The following PTPN13 variants were observed in gnomAD, a reference collection of about 807,000 sequenced individuals.
PTPN13 encodes the protein tyrosine-protein phosphatase non-receptor type 13.
PTPN13 carries 191 observed loss-of-function variants against 284.0 expected under a neutral mutation model. The observed-to-expected ratio is 0.67, with a 90% CI of 0.60 to 0.76. PTPN13 has a LOEUF of 0.76. Ranked by LOEUF, PTPN13 falls within the 30% of genes least tolerant of loss-of-function variation. The probability of loss-of-function intolerance (pLI) is 0.00; values close to 1 mark genes in which losing one functional copy is unlikely to be tolerated. For synonymous variants in PTPN13, 986 were observed against 1,022.3 expected (o/e 0.96, Z 0.68); for missense variants, 2,797 against 2,939.9 (o/e 0.95, Z 1.12).
intron 2 of PTPN13, among the ~76,000 whole-genome samples, chr4:86,647,620 T>A (rs1425742843): frequency 6.6e-6 from 1 of 152,150 alleles, no homozygotes; most frequent in African/African-American, 2.4e-5. Context: ...ATTGTGTTCC[T>A]CAAACATTCA....
At position 86,811,063 on chromosome 4, in the gene PTPN13, G is replaced by T; in HGVS notation, c.7317G>T (p.Leu2439Phe). The stretch of plus-strand genomic sequence containing the variant: ...TCTGACAGTTTGACATCTCTGATTT[G>T]GTGCGCTGCATGAGACTACAAAGAC... ...SQDLDFDISD[L>F]VRCMRLQRHG... The change falls in exon 47 of 48, where the codon TTG becomes TTT. Residue 2439 changes from leucine (L) to phenylalanine (F), a missense_variant. Physicochemically the swap from Leu to Phe is conservative, Grantham distance 22. Transcript: ENST00000411767. 3 of 1,613,442 alleles carry T rather than the reference G, an allele frequency of 1.9e-6. No individual in the cohort carries two copies. Among genetic ancestry groups the T allele is most frequent in the Non-Finnish European group, 2.5e-6 (3 of 1,179,564 alleles).
intron 46 of PTPN13, among the ~76,000 whole-genome samples, chr4:86,810,459 A>AATT (rs56067581): frequency 0.28 from 43,024 of 151,902 alleles, 6,187 homozygotes; most frequent in African/African-American, 0.31. Flanking sequence ...TACATAAAAA[A>AATT]ATTACTATAA....
intron 2 of PTPN13, among the ~76,000 whole-genome samples, chr4:86,639,417 G>A (rs537904704): frequency 5.9e-5 from 9 of 152,194 alleles, no homozygotes; most frequent in African/African-American, 2.2e-4. Flanking sequence ...GCAAAGACTT[G>A]GAACCAAGCC....
chr4:86,661,214 G>A, intron 2 of PTPN13: 1 of 349,508 alleles, frequency 2.9e-6, no homozygotes, highest in Non-Finnish European at 5.5e-6. Flanking sequence ...CCTGGTTTTG[G>A]ACATCATAAA....
intron 32 of PTPN13, 51 bp downstream of exon 32, chr4:86,773,009 GGT>G: frequency 7.5e-7 from 1 of 1,331,934 alleles, no homozygotes; most frequent in Non-Finnish European, 1.0e-6. Context: ...TTTAAAAGAA[GGT>G]GTGTTCATAA....
At chr4:86,667,663 A>G (rs949459139) in intron 2 of PTPN13, among the ~76,000 whole-genome samples, 4 of 152,240 alleles carry the variant, frequency 2.6e-5, no homozygotes, top group Admixed American at 6.5e-5. Context: ...TCCATATTAT[A>G]GAGGGACTTT....
intron 13 of PTPN13, 37 bp downstream of exon 13, chr4:86,734,493 A>G (rs1246322640): frequency 2.0e-5 from 30 of 1,479,138 alleles, no homozygotes; most frequent in Non-Finnish European, 2.6e-5. Flanking sequence ...CTCTTTTTGG[A>G]CACTGGTCTT....
intron 42 of PTPN13, among the ~76,000 whole-genome samples, chr4:86,802,265 CAG>C (rs1744119741): frequency 6.6e-6 from 1 of 151,862 alleles, no homozygotes; most frequent in Non-Finnish European, 1.5e-5. Flanking sequence ...CTCACTGTAA[CAG>C]AGTTCTGTTG....
At chr4:86,801,987 G>A (rs540598450) in intron 42 of PTPN13, among the ~76,000 whole-genome samples, 7 of 152,170 alleles carry the variant, frequency 4.6e-5, no homozygotes, top group African/African-American at 1.7e-4. Context: ...GGCTCTGTTG[G>A]AACAATTTAA....
chr4:86,694,838 G>A (rs946237368), intron 6 of PTPN13, among the ~76,000 whole-genome samples: 1 of 152,030 alleles, frequency 6.6e-6, no homozygotes, highest in Non-Finnish European at 1.5e-5. Flanking sequence ...TAAATGTACA[G>A]ATTGCTTAAA....
chr4:86,721,210 CTG>C (rs1250788559), intron 9 of PTPN13, among the ~76,000 whole-genome samples: 3 of 151,922 alleles, frequency 2.0e-5, no homozygotes, highest in Admixed American at 2.0e-4. Flanking sequence ...AGCTAAAAGA[CTG>C]TAATATTTTA....
In PTPN13 at chr4:86,726,928, A is replaced by C. The variant is rs760735867; in HGVS notation, c.1608+4494A>C. ...GAATGCTTCCAGTTTTTGTCCATTT[A>C]GTATGATATTGGCTGTGGGTTTGTC... is the stretch of plus-strand genomic sequence containing the variant. On this transcript the variant is annotated intron_variant, in intron 10 of 47. Coordinates refer to ENST00000411767, the MANE Select transcript of PTPN13 (RefSeq NM_080683.3). 2.7e-4 allele frequency among the ~76,000 whole-genome samples: 40 copies of C among 149,598 alleles called. 4 individuals are homozygous for C. Among genetic ancestry groups the C allele is most frequent in the Non-Finnish European group, 4.7e-4 (31 of 66,666 alleles).
chr4:86,769,692 GTA>G, intron 28 of PTPN13, 75 bp from the exon 29 acceptor site: 1 of 951,578 alleles, frequency 1.1e-6, no homozygotes, highest in Non-Finnish European at 1.6e-6. Flanking sequence ...GTGTCTAGAA[GTA>G]TATATGTTTG....
intron 2 of PTPN13, among the ~76,000 whole-genome samples, chr4:86,668,929 A>G (rs977714503): frequency 2.0e-5 from 3 of 151,674 alleles, no homozygotes; most frequent in African/African-American, 7.3e-5. Context: ...TTTAACAAGC[A>G]AAAGTATGAT....
intron 43 of PTPN13, among the ~76,000 whole-genome samples, chr4:86,804,279 G>A (rs1057167678): frequency 2.6e-5 from 4 of 152,184 alleles, no homozygotes; most frequent in Middle Eastern, 3.2e-3. Context: ...CAGAGCCCTA[G>A]CTCCTGTGGT....
rs368477385 is a variant in PTPN13 at position 86,762,860 on chromosome 4, G to T, written c.3687G>T (p.Ser1229=). The T allele has an allele frequency of 6.2e-7, 1 of 1,613,684 alleles. No homozygotes were observed. The change falls in exon 24 of 48, where the codon TCG becomes TCT. Residue 1229 remains serine (S), a synonymous_variant. Coordinates refer to ENST00000411767, the MANE Select transcript of PTPN13 (RefSeq NM_080683.3). ...HWSRGTLRHI[S]ENSFGPSGGL... is the part of the protein sequence containing the mutation. ...CACGTGGTACCCTGAGGCACATCTCGGAGAACTCCTTTGGGCCATCTGGGG... is the reference window on the plus strand; with the variant it reads ...CACGTGGTACCCTGAGGCACATCTCTGAGAACTCCTTTGGGCCATCTGGGG...
intron 17 of PTPN13, among the ~76,000 whole-genome samples, chr4:86,748,290 A>G (rs1186529528): frequency 2.6e-5 from 4 of 152,212 alleles, no homozygotes; most frequent in Non-Finnish European, 4.4e-5. Context: ...AATTTGAAAC[A>G]TTAGTATTAG....
intron 9 of PTPN13, among the ~76,000 whole-genome samples, chr4:86,720,432 G>A (rs1733523489): frequency 6.6e-6 from 1 of 152,082 alleles, no homozygotes; most frequent in Non-Finnish European, 1.5e-5. Context: ...AGCCCATGTG[G>A]TATTCATAGC....
intron 7 of PTPN13, among the ~76,000 whole-genome samples, chr4:86,709,752 C>A (rs138212406): frequency 1.3e-5 from 2 of 152,090 alleles, no homozygotes; most frequent in African/African-American, 4.8e-5. Flanking sequence ...TGAGCCTAGC[C>A]GATGTCACAG....
Sources: allele counts gnomAD v4.1 joint callset (sites outside exome capture counted in the v4.1 genomes callset), GRCh38; gene constraint gnomAD v4.1.1; transcripts MANE v1.5; gene names NCBI Gene and HGNC (gene_info 2026-07-23, HGNC 2026-07-21).